The following FAM83D variants were observed in gnomAD, a reference collection of about 807,000 sequenced individuals.
FAM83D encodes the protein scaffolding CK1 anchoring protein D.
FAM83D carries 26 observed loss-of-function variants against 25.4 expected under a neutral mutation model. That is an observed-to-expected ratio of 1.02 (90% CI 0.75 to 1.42). The LOEUF is 1.42. Ranked by LOEUF, FAM83D falls within the 40% of genes most tolerant of loss-of-function variation. The pLI, the probability that FAM83D is intolerant of heterozygous loss-of-function variation, is 0.00. For missense variants in FAM83D, 740 were observed against 758.1 expected, an observed-to-expected ratio of 0.98 and a Z score of 0.28; for synonymous variants, 310 against 318.5, an observed-to-expected ratio of 0.97 and a Z score of 0.28.
chr20:38,939,233 T>C (rs1325704218), intron 1 of FAM83D, among the ~76,000 whole-genome samples: 1 of 152,238 alleles, frequency 6.6e-6, no homozygotes, highest in Non-Finnish European at 1.5e-5. Flanking sequence ...TCCTTGTGCT[T>C]CAGCTCAAAT....
intron 1 of FAM83D, among the ~76,000 whole-genome samples, chr20:38,936,366 G>A (rs900672973): frequency 6.6e-6 from 1 of 152,134 alleles, no homozygotes; most frequent in Non-Finnish European, 1.5e-5. Context: ...CAAGGACACC[G>A]AGACTCAGAT....
Position 38,952,595 on chromosome 20 carries a change from CT to C in FAM83D, c.*77del. 1 of 1,479,840 alleles carries C rather than the reference CT, an allele frequency of 6.8e-7. No homozygotes were observed. 91.7% of individuals were successfully genotyped at this position (1,479,840 alleles called of 1,614,324 possible). ...ATCAGCTTCCTGCTTTAAAAAATAT[CT>C]TATGTCCCTAATTGCCTTTCTTTTA... On this transcript the variant is annotated 3_prime_UTR_variant, in exon 4 of 4. Coordinates refer to ENST00000619850, the MANE Select transcript of FAM83D (RefSeq NM_030919.3).
rs762983509 is a variant in FAM83D at position 38,952,173 on chromosome 20, A to T, written c.1411A>T (p.Arg471Ter). 2 of 1,614,166 alleles carry T rather than the reference A, an allele frequency of 1.2e-6. No homozygotes were observed. Among genetic ancestry groups the T allele is most frequent in the South Asian group, 2.2e-5 (2 of 91,076 alleles). The change falls in exon 4 of 4, where the codon AGA becomes TGA. Residue 471 changes from arginine to a stop codon, truncating the protein, a stop_gained. Coordinates refer to ENST00000619850, the MANE Select transcript of FAM83D (RefSeq NM_030919.3). LOFTEE classifies it low-confidence loss of function (END_TRUNC). The part of the protein sequence containing the change: ...GSPVSKMSVS[R>*]SSSLKSSSSV... ...ACCAGTCTCAAAAATGTCTGTATCG[A>T]GATCTTCCAGTTTGAAGTCTTCCTC...
intron 1 of FAM83D, among the ~76,000 whole-genome samples, chr20:38,930,788 C>T (rs570487297): frequency 1.4e-4 from 21 of 152,174 alleles, no homozygotes; most frequent in Non-Finnish European, 2.9e-4. Context: ...GCTGGGATTA[C>T]AGGCACCCTC....
At chr20:38,935,476 T>A (rs1263031237) in intron 1 of FAM83D, among the ~76,000 whole-genome samples, 1 of 152,232 alleles carries the variant, frequency 6.6e-6, no homozygotes, top group African/African-American at 2.4e-5. Flanking sequence ...AAGTTCTCAT[T>A]CTGTTGCCCA....
At chr20:38,944,156 C>G (rs1319607728) in intron 2 of FAM83D, among the ~76,000 whole-genome samples, 5 of 152,186 alleles carry the variant, frequency 3.3e-5, no homozygotes, top group African/African-American at 1.2e-4. Context: ...AAGCAGTCAG[C>G]AAAACGAATT....
At chr20:38,933,780 A>G (rs2085667233) in intron 1 of FAM83D, among the ~76,000 whole-genome samples, 1 of 151,922 alleles carries the variant, frequency 6.6e-6, no homozygotes, top group Admixed American at 6.6e-5. Flanking sequence ...GAACCTCTGT[A>G]CCCATTAAAC....
chr20:38,935,831 T>C (rs1294651820), intron 1 of FAM83D, among the ~76,000 whole-genome samples: 1 of 152,244 alleles, frequency 6.6e-6, no homozygotes, highest in South Asian at 2.1e-4. Context: ...GGAATTTACA[T>C]TCTTTTTTGT....
At chr20:38,937,642 A>G (rs1192694662) in intron 1 of FAM83D, among the ~76,000 whole-genome samples, 1 of 152,198 alleles carries the variant, frequency 6.6e-6, no homozygotes, top group Non-Finnish European at 1.5e-5. Flanking sequence ...TTGCTTCTAC[A>G]GTAGGACTAT....
intron 1 of FAM83D, among the ~76,000 whole-genome samples, chr20:38,928,968 G>A (rs964185839): frequency 6.6e-6 from 1 of 151,948 alleles, no homozygotes. Flanking sequence ...CACGAGGTCA[G>A]GAGTTCGAGA....
At chr20:38,936,299 T>C (rs1325485468) in intron 1 of FAM83D, among the ~76,000 whole-genome samples, 1 of 152,194 alleles carries the variant, frequency 6.6e-6, no homozygotes, top group African/African-American at 2.4e-5. Flanking sequence ...AGCCTAGACC[T>C]GCCCATTGAG....
chr20:38,928,961 G>A (rs543819526), intron 1 of FAM83D, among the ~76,000 whole-genome samples: 5 of 151,962 alleles, frequency 3.3e-5, no homozygotes, highest in African/African-American at 1.2e-4. Context: ...GGCAGATCAC[G>A]AGGTCAGGAG....
intron 1 of FAM83D, among the ~76,000 whole-genome samples, chr20:38,933,220 A>G (rs1046205873): frequency 4.6e-5 from 7 of 152,208 alleles, no homozygotes; most frequent in African/African-American, 1.4e-4. Context: ...CTCGATGCCA[A>G]TAGCATCCCT....
At chr20:38,945,908 C>A (rs1428783701) in intron 2 of FAM83D, among the ~76,000 whole-genome samples, 1 of 151,874 alleles carries the variant, frequency 6.6e-6, no homozygotes, top group Non-Finnish European at 1.5e-5. Context: ...ATCTTGACAC[C>A]TTTAAAGAAT....
At chr20:38,947,480 G>A (rs1374867412) in intron 2 of FAM83D, among the ~76,000 whole-genome samples, 1 of 152,186 alleles carries the variant, frequency 6.6e-6, no homozygotes, top group East Asian at 1.9e-4. Flanking sequence ...TTCAGACTTT[G>A]CTAAAATGTT....
In FAM83D at chr20:38,926,701, G is replaced by A. The variant is rs1306806129; in HGVS notation, c.259G>A (p.Glu87Lys). ...EEGAAAAAAA[E>K]DSFGSSHDCS... ...GGGCGCGGCGGCGGCGGCGGCGGCC[G>A]AGGACTCGTTCGGCTCCTCGCACGA... Residue 87 changes from glutamate to lysine, a missense_variant, in exon 1 of 4, where the codon GAG (glutamate) becomes AAG (lysine). Coordinates refer to ENST00000619850, the MANE Select transcript of FAM83D (RefSeq NM_030919.3). 6.6e-7 allele frequency: 1 copy of A among 1,521,030 alleles called. No homozygotes were observed. Among genetic ancestry groups the A allele is most frequent in the Non-Finnish European group, 8.8e-7 (1 of 1,141,116 alleles). The allele number at this position is 1,521,030 out of a possible 1,614,324, so 94.2% of individuals were successfully genotyped here.
At position 38,926,703 on chromosome 20, in the gene FAM83D, G is replaced by A; in HGVS notation, c.261G>A (p.Glu87=). 1 of 1,518,876 alleles carries A rather than the reference G, an allele frequency of 6.6e-7. No individual in the cohort carries two copies. The highest frequency in any genetic ancestry group is 1.4e-5 in the African/African-American group (1 of 71,222). The allele number at this position is 1,518,876 out of a possible 1,614,324, so 94.1% of individuals were successfully genotyped here. ...EEGAAAAAAA[E]DSFGSSHDCS... is the part of the protein sequence containing the mutation. ...GCGCGGCGGCGGCGGCGGCGGCCGA[G>A]GACTCGTTCGGCTCCTCGCACGACT... Residue 87 remains glutamate, a synonymous_variant, in exon 1 of 4, where the codon GAG becomes GAA. Coordinates refer to ENST00000619850, the MANE Select transcript of FAM83D (RefSeq NM_030919.3).
Position 38,952,503 on chromosome 20 carries a change from T to C in FAM83D, c.1741T>C (p.Tyr581His), listed in dbSNP as rs377190131. 12 of 1,612,842 alleles carry C rather than the reference T, an allele frequency of 7.4e-6. No homozygotes were observed. The African/African-American group carries it at 1.3e-4, about 18-fold the overall frequency. Residue 581 changes from tyrosine (Y) to histidine (H), a missense_variant, in exon 4 of 4, where the codon TAT (tyrosine) becomes CAT (histidine). Physicochemically the swap from Tyr to His is moderately conservative, Grantham distance 83 (BLOSUM62 2). This residue lies in a region of FAM83D where 375 missense variants were observed against 403.2 expected (regional missense o/e 0.93). Coordinates refer to ENST00000619850, the MANE Select transcript of FAM83D (RefSeq NM_030919.3). ...NLLAVRDVALYPSYQ is the reference protein window; with the variant it reads ...NLLAVRDVALHPSYQ The stretch of plus-strand genomic sequence containing the variant: ...GCTTGCTGTTAGAGATGTAGCACTT[T>C]ATCCTTCCTATCAGTAACTGCTCCG...
At chr20:38,934,455 T>C (rs1296727316) in intron 1 of FAM83D, among the ~76,000 whole-genome samples, 2 of 144,866 alleles carry the variant, frequency 1.4e-5, no homozygotes, top group Non-Finnish European at 3.0e-5. Context: ...ATCGTGCCAT[T>C]GCACTCCGGC....
Sources: allele counts gnomAD v4.1 joint callset (sites outside exome capture counted in the v4.1 genomes callset), GRCh38; gene constraint gnomAD v4.1.1; regional missense constraint gnomAD v4.1.1; transcripts MANE v1.5; gene names NCBI Gene and HGNC (gene_info 2026-07-23, HGNC 2026-07-21).